The following GARNL3 variants were observed in gnomAD, a reference collection of about 807,000 sequenced individuals.
GARNL3 encodes the protein GTPase activating Rap/RanGAP domain like 3.
GARNL3 carries 63 observed loss-of-function variants against 125.0 expected under a neutral mutation model. The ratio of observed to expected loss-of-function variants is 0.50; its 90% confidence interval spans 0.41 to 0.62. GARNL3 has a LOEUF of 0.62. GARNL3 is among the 20% of genes least tolerant of loss of function. The pLI is 0.00. For synonymous variants in GARNL3, 439 were observed against 457.5 expected, an observed-to-expected ratio of 0.96 and a Z score of 0.52; for missense variants, 994 against 1,244.0, an observed-to-expected ratio of 0.80 and a Z score of 3.02.
At chr9:127,359,935 A>G (rs889127939) in intron 21 of GARNL3, among the ~76,000 whole-genome samples, 3 of 152,286 alleles carry the variant, frequency 2.0e-5, no homozygotes, top group African/African-American at 7.2e-5. Flanking sequence ...GCTGTCAGGA[A>G]CAACTCTCAA....
intron 22 of GARNL3, among the ~76,000 whole-genome samples, chr9:127,380,761 G>T (rs1268175499): frequency 1.3e-5 from 2 of 152,236 alleles, no homozygotes; most frequent in Non-Finnish European, 2.9e-5. Context: ...ATAAGTGGTT[G>T]ACCAGGGCTA....
At chr9:127,390,577 G>C in intron 26 of GARNL3, 64 bp from the exon 27 acceptor site, 1 of 1,515,958 alleles carries the variant, frequency 6.6e-7, no homozygotes, top group Admixed American at 2.0e-5. Context: ...AAAAAATAAG[G>C]GTCTTTTCTG....
intron 1 of GARNL3, among the ~76,000 whole-genome samples, chr9:127,231,334 C>T (rs539977867): frequency 1.3e-5 from 2 of 149,674 alleles, no homozygotes; most frequent in African/African-American, 2.5e-5. Context: ...GGCCTCCCAA[C>T]GTGCTGGGAT....
At chr9:127,298,357 T>C (rs2064672420) in intron 2 of GARNL3, among the ~76,000 whole-genome samples, 1 of 152,128 alleles carries the variant, frequency 6.6e-6, no homozygotes, top group Non-Finnish European at 1.5e-5. Flanking sequence ...TTTTGTATTT[T>C]TAGTAGAGAC....
rs1411700653 is a variant in GARNL3, at chr9:127,266,444, A to G, written c.144+1423A>G. Among the ~76,000 whole-genome samples the G allele has an allele frequency of 6.6e-6, 1 of 152,200 alleles. No homozygotes were observed. The highest frequency in any genetic ancestry group is 1.5e-5 in the Non-Finnish European group (1 of 68,032). The stretch of plus-strand genomic sequence containing the variant: ...TAATTACAAAGCAAGCAAGCTTTGG[A>G]ATCAGGTAGGCCTGGGTTCCCATAC... On this transcript the variant is annotated intron_variant, in intron 1 of 27. Coordinates refer to ENST00000373387, the MANE Select transcript of GARNL3 (RefSeq NM_032293.5). This position sits in a 1 kb window ranked among gnomAD's most constrained non-coding sequence, Gnocchi z 4.0.
intron 1 of GARNL3, among the ~76,000 whole-genome samples, chr9:127,271,140 C>CG (rs2063814501): frequency 6.7e-6 from 1 of 150,214 alleles, no homozygotes; most frequent in Non-Finnish European, 1.5e-5. Context: ...CCAAATGTGT[C>CG]CATTAACATT....
chr9:127,236,791 G>C (rs1209409422), intron 1 of GARNL3, among the ~76,000 whole-genome samples: 3 of 152,286 alleles, frequency 2.0e-5, no homozygotes, highest in Admixed American at 6.5e-5. Flanking sequence ...CTAGTGCTTT[G>C]AGCAGGCTCT....
intron 21 of GARNL3, among the ~76,000 whole-genome samples, chr9:127,359,987 A>G (rs1830897407): frequency 6.7e-6 from 1 of 149,864 alleles, no homozygotes. Context: ...AAAGACAAAT[A>G]TACAAAGTTT....
intron 1 of GARNL3, among the ~76,000 whole-genome samples, chr9:127,281,029 A>G (rs1255745868): frequency 6.6e-6 from 1 of 152,140 alleles, no homozygotes; most frequent in African/African-American, 2.4e-5. Flanking sequence ...ACACAGAAAA[A>G]GAGTGAGAGT....
At chr9:127,321,589 A>G in intron 6 of GARNL3, among the ~76,000 whole-genome samples, 1 of 152,202 alleles carries the variant, frequency 6.6e-6, no homozygotes, top group Non-Finnish European at 1.5e-5. Context: ...CTTAGGAGAG[A>G]AAAAAATTTA....
At chr9:127,229,871 G>C (rs939429805) in intron 1 of GARNL3, among the ~76,000 whole-genome samples, 1 of 152,194 alleles carries the variant, frequency 6.6e-6, no homozygotes, top group East Asian at 1.9e-4. Context: ...TTGGCATCAG[G>C]AGAAGAAAGT....
rs1185272992 is a variant in GARNL3, at chr9:127,393,161, C to A, written c.2949C>A (p.Asp983Glu). Residue 983 changes from aspartate (D) to glutamate (E), a missense_variant, in exon 28 of 28, where the codon GAC becomes GAA. By Grantham distance (45) the Asp-to-Glu change is conservative. Coordinates refer to ENST00000373387, the MANE Select transcript of GARNL3 (RefSeq NM_032293.5). ...GGCACTCAGCCAGCTCTGACCAGGA[C>A]CCTGTGGCAGACAGAGAGGGCAGCC... ...PEGHSASSDQ[D>E]PVADREGSPV... 8.7e-6 allele frequency: 14 copies of A among 1,613,900 alleles called. No individual in the cohort carries two copies. Among genetic ancestry groups the A allele is most frequent in the Non-Finnish European group, 1.2e-5 (14 of 1,179,738 alleles).
intron 2 of GARNL3, among the ~76,000 whole-genome samples, chr9:127,246,100 A>AT (rs1046318743): frequency 6.6e-6 from 1 of 152,158 alleles, no homozygotes; most frequent in Non-Finnish European, 1.5e-5. Context: ...GTGGTGGGCA[A>AT]TGAGCCTGTG....
At chr9:127,354,654 G>A (rs1830591903) in intron 19 of GARNL3, among the ~76,000 whole-genome samples, 1 of 152,156 alleles carries the variant, frequency 6.6e-6, no homozygotes, top group African/African-American at 2.4e-5. Flanking sequence ...AACTCTATTA[G>A]CAAATCTATT....
At chr9:127,230,908 C>T (rs1554887311) in intron 1 of GARNL3, among the ~76,000 whole-genome samples, 1 of 149,866 alleles carries the variant, frequency 6.7e-6, no homozygotes, top group Non-Finnish European at 1.5e-5. Context: ...AGAGGTGAAA[C>T]ATACAGGAAA....
At chr9:127,331,341 A>C (rs1005460812) in intron 7 of GARNL3, among the ~76,000 whole-genome samples, 1 of 151,920 alleles carries the variant, frequency 6.6e-6, no homozygotes, top group African/African-American at 2.4e-5. Context: ...ATACAAAAAA[A>C]AATTAGCCAG....
At chr9:127,301,324 A>G (rs928354421) in intron 2 of GARNL3, among the ~76,000 whole-genome samples, 1 of 152,132 alleles carries the variant, frequency 6.6e-6, no homozygotes, top group East Asian at 1.9e-4. Flanking sequence ...ACCTCTTTTT[A>G]TGGACCCTAA....
intron 2 of GARNL3, 68 bp from the exon 3 acceptor site, chr9:127,311,568 G>A: frequency 9.3e-7 from 1 of 1,075,156 alleles, no homozygotes; most frequent in Non-Finnish European, 1.4e-6. Context: ...TTGGCCGCTG[G>A]TTCATTGCCA....
intron 1 of GARNL3, among the ~76,000 whole-genome samples, chr9:127,286,795 C>G (rs118101025): frequency 1.3e-5 from 2 of 152,332 alleles, no homozygotes; most frequent in South Asian, 4.1e-4. Flanking sequence ...ACATTTTATA[C>G]TATCAACTTA....
Sources: allele counts gnomAD v4.1 joint callset (sites outside exome capture counted in the v4.1 genomes callset), GRCh38; gene constraint gnomAD v4.1.1; non-coding constraint Gnocchi (gnomAD v3.1); transcripts MANE v1.5; gene names NCBI Gene and HGNC (gene_info 2026-07-23, HGNC 2026-07-21).